ASXL3: variants seen among roughly 807,000 people sequenced by gnomAD.
ASXL3 encodes ASXL transcriptional regulator 3.
A neutral mutation model predicts 170.6 loss-of-function variants in ASXL3; 34 were observed. The observed-to-expected ratio is 0.20, with a 90% confidence interval of 0.15 to 0.27. ASXL3 has a LOEUF of 0.27. ASXL3 is among the 10% of genes least tolerant of loss of function. ASXL3 has a pLI of 1.00. For missense variants in ASXL3, 2,592 were observed against 2,695.3 expected (o/e 0.96, Z 0.85); for synonymous variants, 1,002 against 989.1 (o/e 1.01, Z -0.24).
chr18:33,726,396 G>A (rs1952208386), intron 8 of ASXL3, among the ~76,000 whole-genome samples: 1 of 152,020 alleles, frequency 6.6e-6, no homozygotes, highest in South Asian at 2.1e-4. Flanking sequence ...CTAAAGCTAT[G>A]CTGTCTAGTA....
chr18:33,670,846 C>T, intron 6 of ASXL3, 56 bp downstream of exon 6: 2 of 1,171,870 alleles, frequency 1.7e-6, no homozygotes, highest in South Asian at 3.4e-5. Flanking sequence ...GAGACTTCCT[C>T]ACTGAAAGAG....
Position 33,651,084 on chromosome 18 carries a change from G to A in ASXL3, c.355+4731G>A, listed in dbSNP as rs79508001. 7.0e-4 allele frequency among the ~76,000 whole-genome samples: 107 copies of A among 152,188 alleles called. 1 individual carries two copies. The East Asian group carries it at 0.011, about 15-fold the overall frequency. ...CTCTGATACCTTGCCTGGAACCACA[G>A]GGAACACTTAGTAGCCAGTCATCAT... is the stretch of plus-strand genomic sequence containing the variant. On this transcript the variant is annotated intron_variant, in intron 4 of 11. Coordinates refer to ENST00000269197, the MANE Select transcript of ASXL3 (RefSeq NM_030632.3).
intron 8 of ASXL3, among the ~76,000 whole-genome samples, chr18:33,691,979 G>C (rs1051121630): frequency 6.6e-6 from 1 of 152,314 alleles, no homozygotes; most frequent in Non-Finnish European, 1.5e-5. Context: ...CTGAGGGTCA[G>C]GGAGGAAAAA....
chr18:33,735,247 T>C (rs1568356838), intron 10 of ASXL3, among the ~76,000 whole-genome samples: 1 of 152,138 alleles, frequency 6.6e-6, no homozygotes. Flanking sequence ...ATTACACTTG[T>C]AAATGGGGAA....
chr18:33,704,502 T>A (rs1319937206), intron 8 of ASXL3, among the ~76,000 whole-genome samples: 1 of 152,112 alleles, frequency 6.6e-6, no homozygotes, highest in Admixed American at 6.6e-5. Flanking sequence ...TGCATTTTGC[T>A]ACTCATAAGT....
intron 5 of ASXL3, among the ~76,000 whole-genome samples, chr18:33,662,782 G>A (rs780154571): frequency 5.3e-5 from 8 of 152,022 alleles, no homozygotes; most frequent in Admixed American, 1.3e-4. Flanking sequence ...TCATTCTAGC[G>A]ATATATTTAT....
chr18:33,635,214 C>T (rs1195820781), intron 2 of ASXL3, among the ~76,000 whole-genome samples: 1 of 152,174 alleles, frequency 6.6e-6, no homozygotes, highest in African/African-American at 2.4e-5. Flanking sequence ...TTTAAACTCA[C>T]TATCGCTATG....
At chr18:33,590,461 G>C (rs1395141673) in intron 1 of ASXL3, among the ~76,000 whole-genome samples, 1 of 152,130 alleles carries the variant, frequency 6.6e-6, no homozygotes, top group Non-Finnish European at 1.5e-5. Context: ...ATAAAAGGCA[G>C]ATGGAAAGTA....
intron 1 of ASXL3, among the ~76,000 whole-genome samples, chr18:33,590,130 TGCTTTG>T (rs2065066040): frequency 2.6e-4 from 37 of 139,648 alleles, no homozygotes; most frequent in African/African-American, 5.3e-4. Context: ...TTTTTTTTTT[TGCTTTG>T]TTTTTTTCTT....
intron 4 of ASXL3, among the ~76,000 whole-genome samples, chr18:33,654,154 G>A (rs534719378): frequency 6.6e-6 from 1 of 152,032 alleles, no homozygotes; most frequent in African/African-American, 2.4e-5. Flanking sequence ...TTCTTGAATT[G>A]TGAGATAAAT....
At chr18:33,722,993 A>G (rs922410008) in intron 8 of ASXL3, among the ~76,000 whole-genome samples, 2 of 152,196 alleles carry the variant, frequency 1.3e-5, no homozygotes, top group African/African-American at 2.4e-5. Flanking sequence ...TCTGTTTACA[A>G]CATGGCTTAC....
intron 8 of ASXL3, among the ~76,000 whole-genome samples, chr18:33,720,114 G>T (rs2067234463): frequency 6.6e-6 from 1 of 152,004 alleles, no homozygotes; most frequent in Non-Finnish European, 1.5e-5. Flanking sequence ...AGATATGTTA[G>T]ATACCCAGAC....
intron 2 of ASXL3, among the ~76,000 whole-genome samples, chr18:33,631,663 G>T (rs573789345): frequency 1.3e-5 from 2 of 152,124 alleles, no homozygotes; most frequent in Non-Finnish European, 2.9e-5. Context: ...TGATATCAGC[G>T]ACTCTCAAAC....
chr18:33,640,302 G>A (rs2065826322), intron 2 of ASXL3, among the ~76,000 whole-genome samples: 1 of 151,620 alleles, frequency 6.6e-6, no homozygotes, highest in Non-Finnish European at 1.5e-5. Context: ...CATATATAAA[G>A]CCCTCTAAAT....
At chr18:33,584,406 C>T (rs886636808) in intron 1 of ASXL3, among the ~76,000 whole-genome samples, 1 of 151,930 alleles carries the variant, frequency 6.6e-6, no homozygotes, top group African/African-American at 2.4e-5. Flanking sequence ...AAAGACTCAC[C>T]CCCTATTCTC....
chr18:33,671,771 C>T lies in ASXL3; in HGVS notation c.620C>T (p.Ala207Val), dbSNP rs761889010. 6.2e-6 allele frequency: 10 copies of T among 1,608,104 alleles called. No homozygotes were observed. Residue 207 changes from alanine (A) to valine (V), a missense_variant, in exon 7 of 12, where the codon GCA becomes GTA. Around this residue, in one of 4 missense-constraint regions of ASXL3, gnomAD observed 251 missense variants for 281.9 expected, o/e 0.89. Coordinates refer to ENST00000269197, the MANE Select transcript of ASXL3 (RefSeq NM_030632.3). Reference protein sequence around the residue: ...PSGSESKNGEADSSDKEMKHG... With the variant: ...PSGSESKNGEVDSSDKEMKHG... Reference sequence around the variant, plus strand: ...GGATCTGAATCTAAAAATGGTGAAGCAGACAGTTCAGATAAAGAAATGAAA... The same window carrying T: ...GGATCTGAATCTAAAAATGGTGAAGTAGACAGTTCAGATAAAGAAATGAAA...
rs778714083 is a variant in ASXL3 at position 33,745,955 on chromosome 18, C to A, written c.6107C>A (p.Pro2036His). The A allele has an allele frequency of 1.4e-5, 21 of 1,530,918 alleles. No individual in the cohort carries two copies. The highest frequency in any genetic ancestry group is 5.8e-5 in the Admixed American group (3 of 51,316). 94.8% of individuals were successfully genotyped at this position (1,530,918 alleles called of 1,614,324 possible). Residue 2036 changes from proline to histidine, a missense_variant, in exon 12 of 12, where the codon CCC becomes CAC. Pro to His is a moderately conservative substitution (Grantham distance 77, BLOSUM62 -2). This residue lies in a region of ASXL3 where 2,246 missense variants were observed against 2,219.6 expected (regional missense o/e 1.01). Transcript: ENST00000269197. The stretch of plus-strand genomic sequence containing the variant: ...CCCTTGGCTTTGCCCCCGCCTCCCC[C>A]CCCACCACCTCCGCTACCTCCACCT... ...PPPLALPPPP[P>H]PPPPLPPPLP...
In ASXL3 at chr18:33,743,208, CTTCCA is replaced by C. The variant is rs2067695511; in HGVS notation, c.3361_3365del (p.Phe1121AspfsTer3). On this transcript the variant is annotated frameshift_variant, in exon 12 of 12. Coordinates refer to ENST00000269197, the MANE Select transcript of ASXL3 (RefSeq NM_030632.3). LOFTEE classifies it high-confidence loss of function. ...CAAAGCATCAAGCTCGAGCCCATCT[CTTCCA>C]GACCTCTAAAGAGACCCGGTTGCCT... 3.1e-6 allele frequency: 5 copies of C among 1,613,862 alleles called. No individual in the cohort carries two copies. Among genetic ancestry groups the C allele is most frequent in the Non-Finnish European group, 4.2e-6 (5 of 1,179,892 alleles).
chr18:33,732,408 C>T (rs533524591), intron 9 of ASXL3, among the ~76,000 whole-genome samples: 13 of 152,282 alleles, frequency 8.5e-5, no homozygotes, highest in South Asian at 4.1e-4. Flanking sequence ...CTCTCTTCCG[C>T]GGAAGTTACT....
Sources: allele counts gnomAD v4.1 joint callset (sites outside exome capture counted in the v4.1 genomes callset), GRCh38; gene constraint gnomAD v4.1.1; regional missense constraint gnomAD v4.1.1; transcripts MANE v1.5; gene names NCBI Gene and HGNC (gene_info 2026-07-23, HGNC 2026-07-21).